Variants in ZCCHC8 observed in about 807,000 individuals in gnomAD.
ZCCHC8 encodes zinc finger CCHC-type containing 8.
Under a neutral mutation model 70.6 loss-of-function variants are expected in ZCCHC8, and 27 were observed. That is an observed-to-expected ratio of 0.38 (90% confidence interval 0.28 to 0.53). The LOEUF is 0.53. ZCCHC8 is among the 20% of genes least tolerant of loss of function. The pLI is 0.81. For synonymous variants in ZCCHC8, 293 were observed against 317.4 expected (o/e 0.92, Z 0.82); for missense variants, 737 against 876.9 (o/e 0.84, Z 2.01).
rs753218541 is a variant in ZCCHC8, at chr12:122,480,288, C to T, written c.1042G>A (p.Val348Ile). 1.9e-6 allele frequency: 3 copies of T among 1,610,226 alleles called. No homozygotes were observed. Among genetic ancestry groups the T allele is most frequent in the Non-Finnish European group, 2.5e-6 (3 of 1,177,968 alleles). The part of the protein sequence containing the change: ...GKDGTDGETE[V>I]GEIQQNKSVT... ...CTTTTATTCTGTTGTATTTCTCCAA[C>T]TTCTGTTTCCCCATCAGTGCCATCT... The change falls in exon 11 of 14, where the codon GTT (valine) becomes ATT (isoleucine). Residue 348 changes from valine to isoleucine, a missense_variant. Transcript: ENST00000633063.
rs1296773602 is a variant in ZCCHC8 at position 122,500,872 on chromosome 12, G to C, written c.-32C>G. The C allele has an allele frequency of 6.5e-7, 1 of 1,549,948 alleles. No homozygotes were observed. Among genetic ancestry groups the C allele is most frequent in the Non-Finnish European group, 8.7e-7 (1 of 1,146,452 alleles). On this transcript the variant is annotated 5_prime_UTR_variant, in exon 1 of 14. Transcript: ENST00000633063. This position sits in a 1 kb window ranked among gnomAD's most constrained non-coding sequence, Gnocchi z 4.8. ...CTGTGGAAAAGATTCGAGAAGAGGC[G>C]GAGCCGGCCACCAGGGCTTGGGGAA...
intron 11 of ZCCHC8, 103 bp from the exon 12 acceptor site, chr12:122,478,395 T>G: frequency 1.3e-6 from 1 of 772,264 alleles, no homozygotes. Context: ...CAAATTACAT[T>G]TTTCCTTCTT....
rs765811286 is a variant in ZCCHC8, at chr12:122,480,284, C to T, written c.1046G>A (p.Gly349Glu). The change falls in exon 11 of 14, where the codon GGA (glycine) becomes GAA (glutamate). Residue 349 changes from glycine to glutamate, a missense_variant. Physicochemically the swap from Gly to Glu is moderately conservative, Grantham distance 98. Transcript: ENST00000633063. ...KDGTDGETEV[G>E]EIQQNKSVTY... The stretch of plus-strand genomic sequence containing the variant: ...GACACTTTTATTCTGTTGTATTTCT[C>T]CAACTTCTGTTTCCCCATCAGTGCC... 3.0e-5 allele frequency: 48 copies of T among 1,609,768 alleles called. No homozygotes were observed. The highest frequency in any genetic ancestry group is 3.9e-5 in the Non-Finnish European group (46 of 1,177,798).
Position 122,474,285 on chromosome 12 carries a change from GA to G in ZCCHC8, c.1346-11del. On this transcript the variant is annotated splice_polypyrimidine_tract_variant and intron_variant, in intron 13 of 13. Coordinates refer to ENST00000633063, the MANE Select transcript of ZCCHC8 (RefSeq NM_017612.5). ...TGTGGTACCTCCATATCTGAAGTAA[GA>G]AAGTTAAGAGATACTTTAGAACTTA... is the stretch of plus-strand genomic sequence containing the variant. The G allele has an allele frequency of 7.2e-7, 1 of 1,382,170 alleles. No individual in the cohort carries two copies. The highest frequency in any genetic ancestry group is 9.4e-7 in the Non-Finnish European group (1 of 1,061,868). 85.6% of individuals were successfully genotyped at this position (1,382,170 alleles called of 1,614,324 possible).
In ZCCHC8 at chr12:122,473,692, G is replaced by A. The variant is rs755421378; in HGVS notation, c.1929C>T (p.Leu643=). The A allele has an allele frequency of 1.2e-5, 19 of 1,613,900 alleles. No homozygotes were observed. Among genetic ancestry groups the A allele is most frequent in the Non-Finnish European group, 1.6e-5 (19 of 1,179,914 alleles). ...CDISNGGSQK[L]FPADTSPSTA... ...TTGAAGGACTGGTGTCTGCAGGAAA[G>A]AGCTTCTGGCTGCCCCCATTGCTGA... Residue 643 remains leucine (L), a synonymous_variant, in exon 14 of 14, where the codon CTC becomes CTT. Transcript: ENST00000633063.
chr12:122,489,895 A>G (rs1957714105), intron 4 of ZCCHC8, among the ~76,000 whole-genome samples: 1 of 152,084 alleles, frequency 6.6e-6, no homozygotes, highest in African/African-American at 2.4e-5. Context: ...AAAAAACGTA[A>G]TCAATCAGAA....
In ZCCHC8 at chr12:122,474,049, C is replaced by T. The variant is rs757213035; in HGVS notation, c.1572G>A (p.Gln524=). Reference sequence around the variant, plus strand: ...GCTCAAGAGCTGCCCAGATCCGCCTCTGCTGTTCTTCAAGTTCTTCTAGAG... The same window carrying T: ...GCTCAAGAGCTGCCCAGATCCGCCTTTGCTGTTCTTCAAGTTCTTCTAGAG... ...ALTLEELEEQ[Q]RRIWAALEQA... Residue 524 remains glutamine, a synonymous_variant, in exon 14 of 14, where the codon CAG becomes CAA. Coordinates refer to ENST00000633063, the MANE Select transcript of ZCCHC8 (RefSeq NM_017612.5). 1 of 1,527,048 alleles carries T rather than the reference C, an allele frequency of 6.5e-7. No homozygotes were observed. Among genetic ancestry groups the T allele is most frequent in the Non-Finnish European group, 8.8e-7 (1 of 1,140,364 alleles). The allele number at this position is 1,527,048 out of a possible 1,614,324, so 94.6% of individuals were successfully genotyped here. A position where few individuals can be genotyped will look rare whatever the true frequency, so the allele number is the denominator to read the frequency against.
intron 5 of ZCCHC8, among the ~76,000 whole-genome samples, chr12:122,487,159 C>T (rs1177274608): frequency 1.3e-5 from 2 of 152,164 alleles, no homozygotes; most frequent in Non-Finnish European, 2.9e-5. Context: ...TACAAACCAC[C>T]TACCCCACAG....
intron 2 of ZCCHC8, among the ~76,000 whole-genome samples, chr12:122,495,804 C>T (rs534102317): frequency 2.8e-4 from 37 of 130,948 alleles, no homozygotes; most frequent in Non-Finnish European, 4.8e-4. Flanking sequence ...GCCAAGATCG[C>T]ACCACTGCAC....
At chr12:122,482,823 T>C (rs1957562216) in intron 7 of ZCCHC8, 128 bp from the exon 8 acceptor site, 2 of 712,338 alleles carry the variant, frequency 2.8e-6, no homozygotes, top group Non-Finnish European at 4.7e-6. Flanking sequence ...ATCACTAATA[T>C]CTGCAACAAG....
At position 122,483,270 on chromosome 12, in the gene ZCCHC8, C is replaced by T. The variant is rs1335269107; in HGVS notation, c.671+9G>A. The T allele has an allele frequency of 2.5e-6, 4 of 1,586,120 alleles. No homozygotes were observed. The highest frequency in any genetic ancestry group is 3.4e-6 in the Non-Finnish European group (4 of 1,164,896). ...AAATAAGTAAAACAAAACAACTCCC[C>T]ACACAAACCTTTTTGCCTTTACTTG... is the stretch of plus-strand genomic sequence containing the variant. On this transcript the variant is annotated intron_variant, in intron 7 of 13. Coordinates refer to ENST00000633063, the MANE Select transcript of ZCCHC8 (RefSeq NM_017612.5). This position sits in a 1 kb window ranked among gnomAD's most constrained non-coding sequence, Gnocchi z 4.4.
rs745352262 is a variant in ZCCHC8, at chr12:122,480,342, G to T, written c.1019-31C>A. On this transcript the variant is annotated intron_variant, in intron 10 of 13. Transcript: ENST00000633063. ...ACAGACCATAAAAAGTGTTAATATT[G>T]CTAAATGTCAATATATATCCCTCCC... is the stretch of plus-strand genomic sequence containing the variant. 7.0e-6 allele frequency: 11 copies of T among 1,572,634 alleles called. No individual in the cohort carries two copies. The South Asian group carries it at 1.3e-4, about 19-fold the overall frequency.
At chr12:122,492,636 A>G (rs1957767552) in intron 3 of ZCCHC8, 79 bp downstream of exon 3, 2 of 921,680 alleles carry the variant, frequency 2.2e-6, no homozygotes, top group Non-Finnish European at 3.3e-6. Flanking sequence ...ATATGAGTAC[A>G]AATGAAAACA....
intron 4 of ZCCHC8, among the ~76,000 whole-genome samples, chr12:122,490,205 G>C (rs1410533450): frequency 2.0e-5 from 3 of 152,124 alleles, no homozygotes; most frequent in Non-Finnish European, 2.9e-5. Flanking sequence ...CAGAAACTTA[G>C]ATTTTTTTCT....
At position 122,474,226 on chromosome 12, in the gene ZCCHC8, T is replaced by C; in HGVS notation, c.1395A>G (p.Gln465=). Residue 465 remains glutamine (Q), a synonymous_variant, in exon 14 of 14, where the codon CAA becomes CAG. Coordinates refer to ENST00000633063, the MANE Select transcript of ZCCHC8 (RefSeq NM_017612.5). ...GAGGAGTGTCAGGAGGTAATGGTGG[T>C]TGAAACTGAAAACTTTCGCTGCTCT... is the stretch of plus-strand genomic sequence containing the variant. The part of the protein sequence containing the change: ...GSQSSESFQF[Q]PPLPPDTPPL... 1.3e-6 allele frequency: 2 copies of C among 1,485,176 alleles called. No homozygotes were observed. The highest frequency in any genetic ancestry group is 1.8e-6 in the Non-Finnish European group (2 of 1,123,806). The allele number at this position is 1,485,176 out of a possible 1,614,324, so 92.0% of individuals were successfully genotyped here.
chr12:122,485,510 C>G (rs1462643233), intron 5 of ZCCHC8, among the ~76,000 whole-genome samples: 11 of 152,214 alleles, frequency 7.2e-5, no homozygotes, highest in Non-Finnish European at 8.8e-5. Context: ...TCTGATCAGT[C>G]CTAACCTCCA....
Position 122,483,281 on chromosome 12 carries a change from T to G in ZCCHC8, c.669A>C (p.Lys223Asn). 1 of 1,594,184 alleles carries G rather than the reference T, an allele frequency of 6.3e-7. No individual in the cohort carries two copies. Among genetic ancestry groups the G allele is most frequent in the Non-Finnish European group, 8.6e-7 (1 of 1,169,026 alleles). Reference protein sequence around the residue: ...LEGQEIQVKAKRPKPHCFNCG... With the variant: ...LEGQEIQVKANRPKPHCFNCG... ...ACAAAACAACTCCCCACACAAACCT[T>G]TTTGCCTTTACTTGTATTTCTTGCC... The change falls in exon 7 of 14, where the codon AAA becomes AAC. Residue 223 changes from lysine to asparagine, a missense_variant and splice_region_variant. Coordinates refer to ENST00000633063, the MANE Select transcript of ZCCHC8 (RefSeq NM_017612.5). The surrounding 1 kb of genome is among the most constrained non-coding windows in gnomAD (Gnocchi z 4.4).
intron 3 of ZCCHC8, 30 bp downstream of exon 3, chr12:122,492,685 T>A (rs1381846541): frequency 7.3e-7 from 1 of 1,362,576 alleles, no homozygotes. Context: ...AACACATTAT[T>A]ATATTTAGGA....
chr12:122,496,160 T>C (rs1957823771), intron 2 of ZCCHC8, among the ~76,000 whole-genome samples: 1 of 90,314 alleles, frequency 1.1e-5, no homozygotes, highest in Non-Finnish European at 2.1e-5. Context: ...GAGTGAGAAA[T>C]TGTCTCAAAA....
Sources: allele counts gnomAD v4.1 joint callset (sites outside exome capture counted in the v4.1 genomes callset), GRCh38; gene constraint gnomAD v4.1.1; non-coding constraint Gnocchi (gnomAD v3.1); transcripts MANE v1.5; gene names NCBI Gene and HGNC (gene_info 2026-07-23, HGNC 2026-07-21).